Variants in RAPGEF1 observed in about 807,000 individuals in gnomAD.
RAPGEF1 encodes Rap guanine nucleotide exchange factor 1, also known as CRK SH3-binding GNRP.
A neutral mutation model predicts 143.3 loss-of-function variants in RAPGEF1; 33 were observed. The ratio of observed to expected loss-of-function variants is 0.23; its 90% CI spans 0.17 to 0.31. The LOEUF (loss-of-function observed/expected upper bound fraction) is 0.31, where lower values mean the gene tolerates loss of function less well. RAPGEF1 is among the 10% of genes least tolerant of loss of function. RAPGEF1 has a pLI of 1.00. For missense variants in RAPGEF1, 1,199 were observed against 1,645.4 expected (o/e 0.73, Z 4.69); for synonymous variants, 629 against 676.5 (o/e 0.93, Z 1.09).
At chr9:131,727,994 G>C (rs1370676148) in intron 1 of RAPGEF1, among the ~76,000 whole-genome samples, 1 of 152,210 alleles carries the variant, frequency 6.6e-6, no homozygotes. Flanking sequence ...ATTACAGAAA[G>C]TGAAAAGGGT....
In RAPGEF1 at chr9:131,583,583, T is replaced by A. The variant is rs1057494073; in HGVS notation, c.3414+728A>T. 6.0e-5 allele frequency among the ~76,000 whole-genome samples: 9 copies of A among 150,922 alleles called. No homozygotes were observed. The highest frequency in any genetic ancestry group is 1.2e-4 in the Non-Finnish European group (8 of 67,652). ...CCTGGCTGAACTTGGGTCCCTGACA[T>A]GACCCCTGGGTGGCCTGGCTGACAC... On this transcript the variant is annotated intron_variant, in intron 24 of 26. Coordinates refer to ENST00000683357, the MANE Select transcript of RAPGEF1 (RefSeq NM_001377935.1). This position sits in a 1 kb window ranked among gnomAD's most constrained non-coding sequence, Gnocchi z 4.7.
chr9:131,624,371 C>T (rs529581730), intron 10 of RAPGEF1, among the ~76,000 whole-genome samples: 1 of 152,268 alleles, frequency 6.6e-6, no homozygotes, highest in African/African-American at 2.4e-5. Context: ...GTGCTGGAGA[C>T]AGTGATGAAT....
At chr9:131,646,581 T>C (rs1969703495) in intron 3 of RAPGEF1, among the ~76,000 whole-genome samples, 1 of 152,104 alleles carries the variant, frequency 6.6e-6, no homozygotes, top group South Asian at 2.1e-4. Context: ...CTCCAGACAG[T>C]TCTCTCCCCA....
At chr9:131,689,139 T>C (rs988571001) in intron 1 of RAPGEF1, among the ~76,000 whole-genome samples, 4 of 152,236 alleles carry the variant, frequency 2.6e-5, no homozygotes, top group Admixed American at 1.3e-4. Context: ...GATTAATGGT[T>C]TGAAATATAA....
chr9:131,737,399 T>G (rs370829915), intron 1 of RAPGEF1: 2 of 1,613,748 alleles, frequency 1.2e-6, no homozygotes, highest in South Asian at 2.2e-5. Context: ...GACACCCCTC[T>G]CTCACCTGTG....
intron 24 of RAPGEF1, 119 bp from the exon 25 acceptor site, chr9:131,582,821 C>T (rs1033531093): frequency 2.5e-6 from 2 of 803,728 alleles, no homozygotes; most frequent in African/African-American, 1.8e-5. Flanking sequence ...CCCAACTCCA[C>T]AGGTCCCACT....
intron 5 of RAPGEF1, among the ~76,000 whole-genome samples, chr9:131,633,376 A>G (rs1428064680): frequency 6.6e-6 from 1 of 152,168 alleles, no homozygotes; most frequent in East Asian, 1.9e-4. Context: ...ACGGCCTTAG[A>G]GGGAGTTAAA....
intron 1 of RAPGEF1, among the ~76,000 whole-genome samples, chr9:131,651,152 G>T: frequency 6.6e-6 from 1 of 152,194 alleles, no homozygotes. Context: ...AGGAATTGTG[G>T]AAATCAAAGG....
In RAPGEF1 at chr9:131,667,772, T is replaced by C. The variant is rs1830669024; in HGVS notation, c.62-16823A>G. Among the ~76,000 whole-genome samples the C allele has an allele frequency of 6.6e-6, 1 of 152,146 alleles. No homozygotes were observed. The highest frequency in any genetic ancestry group is 2.4e-5 in the African/African-American group (1 of 41,440). ...CTCAGATGGAAGGGAAAGGCCGTCA[T>C]CTTGTGTGATGCTGAGTCAGCTGGC... On this transcript the variant is annotated intron_variant, in intron 1 of 26. Coordinates refer to ENST00000683357, the MANE Select transcript of RAPGEF1 (RefSeq NM_001377935.1). The surrounding 1 kb of genome is among the most constrained non-coding windows in gnomAD (Gnocchi z 4.6).
chr9:131,640,419 C>T (rs896456035), intron 4 of RAPGEF1, among the ~76,000 whole-genome samples: 6 of 152,176 alleles, frequency 3.9e-5, no homozygotes, highest in Admixed American at 6.5e-5. Context: ...TAACGTTTCC[C>T]GGAAGGTGCT....
At chr9:131,606,648 G>GT (rs889233672) in intron 12 of RAPGEF1, among the ~76,000 whole-genome samples, 32 of 152,240 alleles carry the variant, frequency 2.1e-4, no homozygotes, top group Middle Eastern at 3.4e-3. Context: ...TCCTTAAGTA[G>GT]TTTTTTGTTT....
At chr9:131,720,146 A>C (rs984318178) in intron 1 of RAPGEF1, among the ~76,000 whole-genome samples, 2 of 152,144 alleles carry the variant, frequency 1.3e-5, no homozygotes, top group Non-Finnish European at 2.9e-5. Context: ...TTGGCCTCCC[A>C]AAGTGCTGGG....
intron 1 of RAPGEF1, among the ~76,000 whole-genome samples, chr9:131,665,543 G>A (rs191706179): frequency 6.6e-6 from 1 of 152,124 alleles, no homozygotes; most frequent in East Asian, 1.9e-4. Flanking sequence ...CCTTATAAGA[G>A]CTAAGTCTCG....
At position 131,628,137 on chromosome 9, in the gene RAPGEF1, G is replaced by C. The variant is rs746236885; in HGVS notation, c.1018-41C>G. On this transcript the variant is annotated intron_variant, in intron 8 of 26. Transcript: ENST00000683357. The surrounding 1 kb of genome is among the most constrained non-coding windows in gnomAD (Gnocchi z 5.7). ...AAAAACAAAGCCAAATCACTTCTGA[G>C]AAACGGTGGCACAGACCAGGGGTGA... 30 of 1,478,326 alleles carry C rather than the reference G, an allele frequency of 2.0e-5. No homozygotes were observed. The Admixed American group carries it at 2.9e-4, about 14-fold the overall frequency. The allele number at this position is 1,478,326 out of a possible 1,614,324, so 91.6% of individuals were successfully genotyped here.
At chr9:131,617,947 GCCAGTGAAAGACTC>G (rs2132769512) in intron 12 of RAPGEF1, among the ~76,000 whole-genome samples, 1 of 152,344 alleles carries the variant, frequency 6.6e-6, no homozygotes, top group Non-Finnish European at 1.5e-5. Context: ...ATGCGCAGAT[GCCAGTGAAAGACTC>G]CCCTCTTCAG....
intron 1 of RAPGEF1, among the ~76,000 whole-genome samples, chr9:131,722,086 T>C (rs966924502): frequency 6.6e-6 from 1 of 152,146 alleles, no homozygotes; most frequent in African/African-American, 2.4e-5. Flanking sequence ...TTACATGTCT[T>C]ATATGTGTTG....
chr9:131,735,278 G>A (rs541063140), intron 1 of RAPGEF1, among the ~76,000 whole-genome samples: 2 of 152,190 alleles, frequency 1.3e-5, no homozygotes, highest in Non-Finnish European at 2.9e-5. Context: ...CAGCTGAGGA[G>A]GCCTTGGTCT....
intron 5 of RAPGEF1, among the ~76,000 whole-genome samples, chr9:131,635,674 A>T (rs1209693648): frequency 1.3e-5 from 2 of 151,266 alleles, no homozygotes; most frequent in Admixed American, 1.3e-4. Flanking sequence ...TGGAGGTGGG[A>T]GTGCAGAGAA....
intron 12 of RAPGEF1, among the ~76,000 whole-genome samples, chr9:131,612,600 T>C (rs999869925): frequency 6.6e-6 from 1 of 152,158 alleles, no homozygotes; most frequent in East Asian, 1.9e-4. Context: ...CCTCCAGAGC[T>C]GGGCCTTTCT....
Sources: gnomAD v4.1 joint callset for allele counts (sites outside exome capture counted in the v4.1 genomes callset) on GRCh38, gnomAD v4.1.1 for gene constraint, Gnocchi (gnomAD v3.1) non-coding constraint, MANE v1.5 for transcripts, NCBI Gene and HGNC (gene_info 2026-07-23, HGNC 2026-07-21) for gene names.